Variants in CD34 observed in about 807,000 individuals in gnomAD.
The protein encoded by CD34 is CD34 molecule.
In CD34, 34 loss-of-function variants were observed where a neutral mutation model predicts 40.1. The ratio of observed to expected loss-of-function variants is 0.85; its 90% CI spans 0.65 to 1.13. The LOEUF is 1.13. Among genes scored for constraint, CD34 ranks in the 50% most tolerant of loss-of-function variants. CD34 has a pLI of 0.00. For missense variants in CD34, 426 were observed against 466.9 expected (o/e 0.91, Z 0.81); for synonymous variants, 209 against 190.0 (o/e 1.10, Z -0.82).
In CD34 at chr1:207,880,999, T is replaced by TAAC. The variant is rs1229202259; in HGVS notation, c.*6736_*6738dup. ...CCTACCAAAACTATAAGGTCATGTT[T>TAAC]AACAACAACAACAAAACATTTTATG... On this transcript the variant is annotated 3_prime_UTR_variant, in exon 8 of 8. Transcript: ENST00000310833. The TAAC allele has an allele frequency of 1.3e-5, 2 of 152,212 alleles. No individual in the cohort carries two copies. Among genetic ancestry groups the TAAC allele is most frequent in the Admixed American group, 1.3e-4 (2 of 15,282 alleles). The allele number at this position is 152,212 out of a possible 1,614,324, so 9.4% of individuals were successfully genotyped here.
At chr1:207,906,863 A>ATAAC (rs1343216488) in intron 1 of CD34, among the ~76,000 whole-genome samples, 1 of 151,816 alleles carries the variant, frequency 6.6e-6, no homozygotes, top group Non-Finnish European at 1.5e-5. Context: ...AAATAAATAA[A>ATAAC]TAAATAAATA....
rs1213430299 is a variant in CD34, at chr1:207,885,544, C to T, written c.*2194G>A. On this transcript the variant is annotated 3_prime_UTR_variant, in exon 8 of 8. Transcript: ENST00000310833. ...CTGAACCCTGAACCCACCCCTCCTA[C>T]TTGATGTCCTAGCTGGGACAGACCC... The T allele has an allele frequency of 6.6e-6, 1 of 152,088 alleles. No individual in the cohort carries two copies. Among genetic ancestry groups the T allele is most frequent in the Non-Finnish European group, 1.5e-5 (1 of 68,054 alleles). 9.4% of individuals were successfully genotyped at this position (152,088 alleles called of 1,614,324 possible). A position where few individuals can be genotyped will look rare whatever the true frequency, so the allele number is the denominator to read the frequency against.
At chr1:207,909,625 T>C (rs1191465465) in intron 1 of CD34, among the ~76,000 whole-genome samples, 3 of 152,152 alleles carry the variant, frequency 2.0e-5, no homozygotes. Flanking sequence ...GCCAGGATGG[T>C]CTCGATCTCT....
At chr1:207,898,879 C>A in intron 3 of CD34, 94 bp downstream of exon 3, 1 of 1,314,378 alleles carries the variant, frequency 7.6e-7, no homozygotes, top group Non-Finnish European at 1.1e-6. Context: ...ATCCCACTGG[C>A]AGGGATGAGG....
intron 1 of CD34, among the ~76,000 whole-genome samples, chr1:207,905,612 G>A (rs1053018686): frequency 6.6e-6 from 1 of 152,126 alleles, no homozygotes; most frequent in East Asian, 1.9e-4. Context: ...CTTTCTTTAA[G>A]ATGCATGTTA....
rs1166607587 is a variant in CD34 at position 207,881,376 on chromosome 1, G to T, written c.*6362C>A. 6.6e-6 allele frequency: 1 copy of T among 152,024 alleles called. No homozygotes were observed. The highest frequency in any genetic ancestry group is 6.6e-5 in the Admixed American group (1 of 15,252). The allele number at this position is 152,024 out of a possible 1,614,324, so 9.4% of individuals were successfully genotyped here. A position where few individuals can be genotyped will look rare whatever the true frequency, so the allele number is the denominator to read the frequency against. On this transcript the variant is annotated 3_prime_UTR_variant, in exon 8 of 8. Coordinates refer to ENST00000310833, the MANE Select transcript of CD34 (RefSeq NM_001025109.2). The stretch of plus-strand genomic sequence containing the variant: ...AAGCAGATAAAAGAATCAGCATTCG[G>T]GGGCTGGGCGCGGTGTCTCACACCT...
intron 1 of CD34, among the ~76,000 whole-genome samples, chr1:207,908,951 T>C (rs1176848579): frequency 6.6e-6 from 1 of 152,250 alleles, no homozygotes; most frequent in African/African-American, 2.4e-5. Context: ...ATAGCATTTC[T>C]GCAATGGCCC....
intron 4 of CD34, among the ~76,000 whole-genome samples, chr1:207,892,375 C>T (rs980574275): frequency 2.6e-5 from 4 of 152,074 alleles, no homozygotes; most frequent in East Asian, 1.9e-4. Flanking sequence ...GCCAAGGGTT[C>T]GAGACCAGCC....
At chr1:207,902,834 T>C (rs1662300783) in intron 1 of CD34, among the ~76,000 whole-genome samples, 1 of 152,206 alleles carries the variant, frequency 6.6e-6, no homozygotes, top group South Asian at 2.1e-4. Context: ...AAAGCAACTC[T>C]GGACCCAAGC....
chr1:207,890,029 C>T (rs1213054773), intron 4 of CD34: 10 of 1,385,324 alleles, frequency 7.2e-6, no homozygotes, highest in Non-Finnish European at 9.3e-6. Flanking sequence ...GAAGAAAAGC[C>T]AAGGGAGGTG....
chr1:207,889,683 C>T (rs1661989277), intron 4 of CD34, 62 bp from the exon 5 acceptor site: 1 of 1,608,962 alleles, frequency 6.2e-7, no homozygotes. Flanking sequence ...CTAAACTGCA[C>T]CCAGAGTCTC....
At chr1:207,902,383 C>T (rs1383215634) in intron 1 of CD34, among the ~76,000 whole-genome samples, 1 of 152,150 alleles carries the variant, frequency 6.6e-6, no homozygotes, top group African/African-American at 2.4e-5. Context: ...AGGATGGGCT[C>T]CCATCTGGCT....
chr1:207,900,071 T>C (rs1033402520), intron 1 of CD34, 68 bp from the exon 2 acceptor site: 31 of 1,234,030 alleles, frequency 2.5e-5, no homozygotes, highest in Non-Finnish European at 3.1e-5. Context: ...CCTGATGCAA[T>C]TTCCTGACTT....
At chr1:207,889,101 C>T (rs1206438891) in intron 6 of CD34, 60 bp downstream of exon 6, 21 of 1,075,062 alleles carry the variant, frequency 2.0e-5, no homozygotes, top group Non-Finnish European at 2.8e-5. Context: ...TCCCCCCTTA[C>T]TCCAGGGAGC....
At position 207,904,315 on chromosome 1, in the gene CD34, A is replaced by C. The variant is rs1056964529; in HGVS notation, c.80-4312T>G. Among the ~76,000 whole-genome samples, 107 of 152,290 alleles carry C rather than the reference A, an allele frequency of 7.0e-4. 1 individual carries two copies. Among genetic ancestry groups the C allele is most frequent in the African/African-American group, 2.5e-3 (104 of 41,550 alleles). Reference sequence around the variant, plus strand: ...GAGTATCTCGAAGGAGTTCCTGGGAATCTTAGTCCATAGAGTTACAGAACT... The same window carrying C: ...GAGTATCTCGAAGGAGTTCCTGGGACTCTTAGTCCATAGAGTTACAGAACT... On this transcript the variant is annotated intron_variant, in intron 1 of 7. Transcript: ENST00000310833.
chr1:207,911,041 G>T lies in CD34; in HGVS notation c.40C>A (p.Pro14Thr). 6.3e-7 allele frequency: 1 copy of T among 1,592,660 alleles called. No homozygotes were observed. Among genetic ancestry groups the T allele is most frequent in the Non-Finnish European group, 8.5e-7 (1 of 1,173,008 alleles). The stretch of plus-strand genomic sequence containing the variant: ...AAGCAAAGCGCGGTCCAGCCCCGCG[G>T]CATCCTGGGCCCTGCGCGCGCGCCC... ...RRGARAGPRMPRGWTALCLLS... is the reference protein window; with the variant it reads ...RRGARAGPRMTRGWTALCLLS... Residue 14 changes from proline (P) to threonine (T), a missense_variant, in exon 1 of 8, where the codon CCG becomes ACG. Physicochemically the swap from Pro to Thr is conservative, Grantham distance 38. Coordinates refer to ENST00000310833, the MANE Select transcript of CD34 (RefSeq NM_001025109.2).
In CD34 at chr1:207,889,446, A is replaced by G; in HGVS notation, c.754+19T>C. 1 of 1,600,642 alleles carries G rather than the reference A, an allele frequency of 6.2e-7. No homozygotes were observed. The highest frequency in any genetic ancestry group is 1.1e-5 in the South Asian group (1 of 89,466). ...AGCCCTACTCCTTCCCTGTTCCCCC[A>G]GGCAGAGGTGCACCTTACCTGTTCT... On this transcript the variant is annotated intron_variant, in intron 5 of 7. Coordinates refer to ENST00000310833, the MANE Select transcript of CD34 (RefSeq NM_001025109.2).
intron 4 of CD34, among the ~76,000 whole-genome samples, chr1:207,894,743 T>C (rs1662113963): frequency 6.6e-6 from 1 of 152,062 alleles, no homozygotes. Flanking sequence ...TGAGATATGG[T>C]AAAAGGTGTT....
chr1:207,898,950 CATT>C lies in CD34; in HGVS notation c.516+20_516+22del, dbSNP rs1558121152. The stretch of plus-strand genomic sequence containing the variant: ...ACATATGAAGTGAGGGGCAATCTGC[CATT>C]TTTGGCCCAATTCACCCACCTTGAT... On this transcript the variant is annotated intron_variant, in intron 3 of 7. Transcript: ENST00000310833. The C allele has an allele frequency of 6.2e-7, 1 of 1,612,908 alleles. No homozygotes were observed. The highest frequency in any genetic ancestry group is 1.1e-5 in the South Asian group (1 of 90,970).
Sources: allele counts gnomAD v4.1 joint callset (sites outside exome capture counted in the v4.1 genomes callset), GRCh38; gene constraint gnomAD v4.1.1; transcripts MANE v1.5; gene names NCBI Gene and HGNC (gene_info 2026-07-23, HGNC 2026-07-21).